ZNF264: variants seen among roughly 807,000 people sequenced by gnomAD.
The protein encoded by ZNF264 is zinc finger protein 264.
In ZNF264, 11 loss-of-function variants were observed where a neutral mutation model predicts 11.2. The ratio of observed to expected loss-of-function variants is 0.98; its 90% confidence interval spans 0.62 to 1.63. The LOEUF is 1.63. Ranked by LOEUF, ZNF264 falls within the 40% of genes most tolerant of loss-of-function variation. The pLI, the probability that ZNF264 is intolerant of heterozygous loss-of-function variation, is 0.00. For missense variants in ZNF264, 752 were observed against 768.1 expected, an observed-to-expected ratio of 0.98 and a Z score of 0.25; for synonymous variants, 309 against 279.8, an observed-to-expected ratio of 1.10 and a Z score of -1.04.
At chr19:57,192,268 G>A in intron 1 of ZNF264, 7 of 914,954 alleles carry the variant, frequency 7.7e-6, no homozygotes, top group Middle Eastern at 5.6e-4. Context: ...CAGGGCAGTA[G>A]CAAGCCGACA....
rs148016089 is a variant in ZNF264 at position 57,201,809 on chromosome 19, G to A, written c.161-3588G>A. 1.8e-4 allele frequency among the ~76,000 whole-genome samples: 28 copies of A among 151,976 alleles called. 1 individual carries two copies. In the East Asian group the frequency reaches 5.2e-3, roughly 28 times the overall value. On this transcript the variant is annotated intron_variant, in intron 2 of 3. Transcript: ENST00000263095. ...TGAAGCACAAGGCTGCCAGCATCTCGCAGCCTTCCCCGGGCAGAACTTTCT... is the reference window on the plus strand; with the variant it reads ...TGAAGCACAAGGCTGCCAGCATCTCACAGCCTTCCCCGGGCAGAACTTTCT...
chr19:57,212,877 T>A lies in ZNF264; in HGVS notation c.1780T>A (p.Phe594Ile), dbSNP rs369244568. The A allele has an allele frequency of 7.0e-5, 113 of 1,614,090 alleles. No homozygotes were observed. Among genetic ancestry groups the A allele is most frequent in the Non-Finnish European group, 9.0e-5 (106 of 1,180,044 alleles). ...TLRELLLGKD[F>I]LNVTTEANIL... ...TCGAGAACTTCTTTTAGGGAAGGAC[T>A]TTTTGAATGTAACCACTGAGGCAAA... Residue 594 changes from phenylalanine (F) to isoleucine (I), a missense_variant, in exon 4 of 4, where the codon TTT becomes ATT. Coordinates refer to ENST00000263095, the MANE Select transcript of ZNF264 (RefSeq NM_003417.5).
chr19:57,194,886 G>A (rs4801439), intron 2 of ZNF264: 192,347 of 399,634 alleles, frequency 0.48, 49,638 homozygotes, highest in African/African-American at 0.78. Context: ...TAAATTTAAC[G>A]ACTGTTACTG....
rs2087345301 is a variant in ZNF264 at position 57,212,354 on chromosome 19, GATTC to G, written c.1259_1262del (p.Ile420ThrfsTer149). 6.2e-7 allele frequency: 1 copy of G among 1,613,828 alleles called. No individual in the cohort carries two copies. Among genetic ancestry groups the G allele is most frequent in the African/African-American group, 1.3e-5 (1 of 74,816 alleles). The stretch of plus-strand genomic sequence containing the variant: ...GATCCTACCTCAAGAGGCACCAGCG[GATTC>G]ACACTGGGGAGAAGCCCTTCGTGTG... On this transcript the variant is annotated frameshift_variant, in exon 4 of 4. Coordinates refer to ENST00000263095, the MANE Select transcript of ZNF264 (RefSeq NM_003417.5). LOFTEE classifies it low-confidence loss of function (END_TRUNC).
intron 2 of ZNF264, among the ~76,000 whole-genome samples, chr19:57,203,877 C>T (rs2087271316): frequency 6.6e-6 from 1 of 152,168 alleles, no homozygotes; most frequent in Admixed American, 6.5e-5. Flanking sequence ...CCAGCCCCAG[C>T]TCTGCTCTTT....
intron 3 of ZNF264, among the ~76,000 whole-genome samples, chr19:57,210,234 T>C (rs2087324620): frequency 6.6e-6 from 1 of 152,146 alleles, no homozygotes; most frequent in Admixed American, 6.5e-5. Flanking sequence ...ACTCACTTCA[T>C]TGAGCACCTC....
intron 1 of ZNF264, 24 bp from the exon 2 acceptor site, chr19:57,193,851 T>C: frequency 1.2e-6 from 2 of 1,613,434 alleles, no homozygotes; most frequent in Non-Finnish European, 1.7e-6. Flanking sequence ...AGGCCAATAC[T>C]ACTAATTCTG....
intron 2 of ZNF264, among the ~76,000 whole-genome samples, chr19:57,196,662 G>C (rs1327887214): frequency 6.6e-6 from 1 of 151,890 alleles, no homozygotes; most frequent in Non-Finnish European, 1.5e-5. Flanking sequence ...GGTGTCCACA[G>C]AACAGGTCAT....
chr19:57,220,832 CG>C lies in ZNF264; in HGVS notation c.*7855del, dbSNP rs1383122144. ...CTAATTTTTGTATTTTTTGTAGACA[CG>C]GGGTTTCACCATGTTGGCCAGGCTG... On this transcript the variant is annotated 3_prime_UTR_variant, in exon 4 of 4. Transcript: ENST00000263095. 1 of 152,046 alleles carries C rather than the reference CG, an allele frequency of 6.6e-6. No homozygotes were observed. Among genetic ancestry groups the C allele is most frequent in the Non-Finnish European group, 1.5e-5 (1 of 68,052 alleles). The allele number at this position is 152,046 out of a possible 1,614,324, so 9.4% of individuals were successfully genotyped here.
At chr19:57,199,867 C>T (rs1485425150) in intron 2 of ZNF264, among the ~76,000 whole-genome samples, 1 of 151,726 alleles carries the variant, frequency 6.6e-6, no homozygotes, top group Non-Finnish European at 1.5e-5. Context: ...TCACTGTTGC[C>T]TCAGGCAGCA....
chr19:57,194,315 G>A (rs1241336599), intron 2 of ZNF264: 2 of 441,122 alleles, frequency 4.5e-6, no homozygotes, highest in Non-Finnish European at 7.9e-6. Flanking sequence ...CCACGATGGT[G>A]TCCTGGCTTC....
At chr19:57,201,937 T>G (rs906190175) in intron 2 of ZNF264, among the ~76,000 whole-genome samples, 7 of 151,734 alleles carry the variant, frequency 4.6e-5, no homozygotes. Flanking sequence ...ATGGGCCAAG[T>G]GTGGTAGCTC....
At chr19:57,202,753 C>G (rs4801442) in intron 2 of ZNF264, among the ~76,000 whole-genome samples, 12,907 of 151,854 alleles carry the variant, frequency 0.085, 1,055 homozygotes, top group African/African-American at 0.19. Flanking sequence ...TTATAATACA[C>G]TGGTAAACAT....
chr19:57,191,931 G>T lies in ZNF264; in HGVS notation c.18G>T (p.Leu6=). 6.5e-7 allele frequency: 1 copy of T among 1,536,128 alleles called. No individual in the cohort carries two copies. The change falls in exon 1 of 4, where the codon CTG becomes CTT. Residue 6 remains leucine (L), a synonymous_variant. Coordinates refer to ENST00000263095, the MANE Select transcript of ZNF264 (RefSeq NM_003417.5). The part of the protein sequence containing the change: MAAAV[L]TDRAQVSVTF... ...GTGACGTGATGGCGGCAGCGGTGCT[G>T]ACGGACCGGGCCCAGGTGAGTGGAC...
chr19:57,198,205 A>G (rs191799955), intron 2 of ZNF264, among the ~76,000 whole-genome samples: 6 of 152,080 alleles, frequency 3.9e-5, no homozygotes, highest in Non-Finnish European at 8.8e-5. Flanking sequence ...TGCTCAAGCA[A>G]TGAAACCACA....
At chr19:57,209,179 CTT>C (rs1395836241) in intron 3 of ZNF264, among the ~76,000 whole-genome samples, 1 of 151,996 alleles carries the variant, frequency 6.6e-6, no homozygotes, top group Non-Finnish European at 1.5e-5. Flanking sequence ...TGTAGTCTAA[CTT>C]ATGACTTTTC....
intron 2 of ZNF264, among the ~76,000 whole-genome samples, chr19:57,194,593 T>G (rs933572127): frequency 9.8e-5 from 15 of 152,328 alleles, no homozygotes; most frequent in Non-Finnish European, 1.9e-4. Context: ...GCAGGAAGCA[T>G]CCAGCATGGG....
chr19:57,203,971 G>C (rs2087272049), intron 2 of ZNF264, among the ~76,000 whole-genome samples: 1 of 152,142 alleles, frequency 6.6e-6, no homozygotes, highest in Admixed American at 6.5e-5. Context: ...CAGATCATGA[G>C]GTCAGGAGAT....
chr19:57,191,779 C>G lies in ZNF264; in HGVS notation c.-135C>G, dbSNP rs564861198. On this transcript the variant is annotated 5_prime_UTR_variant, in exon 1 of 4. Transcript: ENST00000263095. ...GGCGGCGGCCCTGCGTCTGGAACGC[C>G]GTTGCCACCGAGGAGGCGGCGGCCC... 3 of 599,912 alleles carry G rather than the reference C, an allele frequency of 5.0e-6. No homozygotes were observed. The highest frequency in any genetic ancestry group is 2.0e-5 in the African/African-American group (1 of 50,750). The allele number at this position is 599,912 out of a possible 1,614,324, so 37.2% of individuals were successfully genotyped here. A position where few individuals can be genotyped will look rare whatever the true frequency, so the allele number is the denominator to read the frequency against.
Sources: allele counts gnomAD v4.1 joint callset (sites outside exome capture counted in the v4.1 genomes callset), GRCh38; gene constraint gnomAD v4.1.1; transcripts MANE v1.5; gene names NCBI Gene and HGNC (gene_info 2026-07-23, HGNC 2026-07-21).